RPTOR: variants seen among roughly 807,000 people sequenced by gnomAD.
The protein encoded by RPTOR is regulatory-associated protein of mTOR.
RPTOR carries 21 observed loss-of-function variants against 169.9 expected under a neutral mutation model. The ratio of observed to expected loss-of-function variants is 0.12; its 90% CI spans 0.09 to 0.18. RPTOR has a LOEUF of 0.18. Among genes scored for constraint, RPTOR ranks in the 10% least tolerant of loss-of-function variants. The probability of loss-of-function intolerance (pLI) is 1.00; values close to 1 mark genes in which losing one functional copy is unlikely to be tolerated. For missense variants in RPTOR, 1,133 were observed against 1,855.9 expected (o/e 0.61, Z 7.16); for synonymous variants, 732 against 753.2 (o/e 0.97, Z 0.46).
chr17:80,730,768 GT>G lies in RPTOR; in HGVS notation c.654+65del. 1.8e-6 allele frequency: 1 copy of G among 555,468 alleles called. No individual in the cohort carries two copies. The highest frequency in any genetic ancestry group is 3.3e-6 in the Non-Finnish European group (1 of 302,866). 34.4% of individuals were successfully genotyped at this position (555,468 alleles called of 1,614,324 possible). On this transcript the variant is annotated intron_variant, in intron 5 of 33. Transcript: ENST00000306801. This position sits in a 1 kb window ranked among gnomAD's most constrained non-coding sequence, Gnocchi z 4.2. ...TGGTTTTGTTTTCCCTGGGGGTGGG[GT>G]TTGGGTGGGGAGGTTGGGAGGTGTT...
At chr17:80,906,659 A>C (rs2068546416) in intron 20 of RPTOR, among the ~76,000 whole-genome samples, 1 of 152,204 alleles carries the variant, frequency 6.6e-6, no homozygotes, top group African/African-American at 2.4e-5. Context: ...TCGCCCTGTG[A>C]GGTGAGACAT....
At chr17:80,743,908 CAGCCCTGGTTACTAGCAG>C (rs1567887711) in intron 5 of RPTOR, among the ~76,000 whole-genome samples, 7 of 81,996 alleles carry the variant, frequency 8.5e-5, no homozygotes, top group East Asian at 6.2e-4. Flanking sequence ...GTTACGAGCA[CAGCCCTGGTTACTAGCAG>C]AGCCCTGGTT....
At chr17:80,927,788 C>A (rs146184289) in intron 24 of RPTOR, among the ~76,000 whole-genome samples, 1 of 151,194 alleles carries the variant, frequency 6.6e-6, no homozygotes, top group Non-Finnish European at 1.5e-5. Flanking sequence ...CCCAAGCCAG[C>A]GTCTCCTCTC....
At chr17:80,932,022 G>A (rs2068903815) in intron 24 of RPTOR, among the ~76,000 whole-genome samples, 1 of 152,120 alleles carries the variant, frequency 6.6e-6, no homozygotes, top group Admixed American at 6.6e-5. Flanking sequence ...AGAGGAATCC[G>A]AAGCTGGCCA....
At chr17:80,551,168 G>A (rs1209206629) in intron 1 of RPTOR, among the ~76,000 whole-genome samples, 2 of 152,144 alleles carry the variant, frequency 1.3e-5, no homozygotes, top group African/African-American at 2.4e-5. Flanking sequence ...GATTACAGGC[G>A]TGAGCCATCA....
At chr17:80,782,456 C>T (rs2066950988) in intron 6 of RPTOR, among the ~76,000 whole-genome samples, 8 of 151,748 alleles carry the variant, frequency 5.3e-5, no homozygotes, top group Admixed American at 5.2e-4. Flanking sequence ...TTCTACATCC[C>T]CGACAAGAAT....
intron 17 of RPTOR, 120 bp downstream of exon 17, chr17:80,885,268 T>C: frequency 8.7e-7 from 1 of 1,146,962 alleles, no homozygotes; most frequent in Non-Finnish European, 1.2e-6. Flanking sequence ...TGCGTGTCAT[T>C]GCGAGAGCAG....
At chr17:80,706,792 A>G (rs537954242) in intron 3 of RPTOR, among the ~76,000 whole-genome samples, 112 of 152,302 alleles carry the variant, frequency 7.4e-4, no homozygotes, top group Non-Finnish European at 1.0e-3. Context: ...AATGCATTGA[A>G]TATGTGAATT....
At chr17:80,598,882 T>TCTATCTATCTATCTA in intron 1 of RPTOR, among the ~76,000 whole-genome samples, 1 of 146,872 alleles carries the variant, frequency 6.8e-6, no homozygotes, top group African/African-American at 2.5e-5. Flanking sequence ...TCTTGATTCT[T>TCTATCTATCTATCTA]TCTATCTATC....
intron 3 of RPTOR, among the ~76,000 whole-genome samples, chr17:80,699,277 A>AG (rs2066062853): frequency 6.6e-6 from 1 of 152,274 alleles, no homozygotes; most frequent in Non-Finnish European, 1.5e-5. Flanking sequence ...GCTGATGAGT[A>AG]AATCAGCAGG....
At chr17:80,565,311 T>C (rs1299390519) in intron 1 of RPTOR, among the ~76,000 whole-genome samples, 2 of 152,172 alleles carry the variant, frequency 1.3e-5, no homozygotes, top group Non-Finnish European at 2.9e-5. Context: ...TCAATGACTT[T>C]GTGAGGTTTG....
At chr17:80,716,642 C>T (rs1031299869) in intron 4 of RPTOR, among the ~76,000 whole-genome samples, 3 of 152,126 alleles carry the variant, frequency 2.0e-5, no homozygotes, top group African/African-American at 7.2e-5. Flanking sequence ...AGATCCTTGC[C>T]TAAACCAGTC....
intron 1 of RPTOR, among the ~76,000 whole-genome samples, chr17:80,577,629 A>C (rs577470371): frequency 6.6e-6 from 1 of 152,280 alleles, no homozygotes; most frequent in East Asian, 1.9e-4. Flanking sequence ...GAATTGGATA[A>C]GTGTACAGTC....
chr17:80,917,302 G>A (rs1425707339), intron 21 of RPTOR, among the ~76,000 whole-genome samples: 3 of 151,962 alleles, frequency 2.0e-5, no homozygotes, highest in East Asian at 1.9e-4. Flanking sequence ...TAGTAGAGAC[G>A]GGGTTTCACC....
At chr17:80,642,289 T>C (rs532962969) in intron 2 of RPTOR, among the ~76,000 whole-genome samples, 1 of 152,178 alleles carries the variant, frequency 6.6e-6, no homozygotes, top group South Asian at 2.1e-4. Context: ...GGCGCCCAGC[T>C]AATTTTTGTG....
chr17:80,658,829 T>C (rs1407716854), intron 3 of RPTOR, among the ~76,000 whole-genome samples: 1 of 152,242 alleles, frequency 6.6e-6, no homozygotes, highest in Non-Finnish European at 1.5e-5. Flanking sequence ...TTCTATTCTG[T>C]GATTTCCATT....
At chr17:80,674,641 G>A (rs545883336) in intron 3 of RPTOR, among the ~76,000 whole-genome samples, 2 of 152,042 alleles carry the variant, frequency 1.3e-5, no homozygotes, top group African/African-American at 2.4e-5. Flanking sequence ...TTCTGAATTG[G>A]TTCTAAATTG....
intron 5 of RPTOR, among the ~76,000 whole-genome samples, chr17:80,753,674 C>T (rs947952893): frequency 6.7e-5 from 10 of 148,820 alleles, no homozygotes; most frequent in East Asian, 2.0e-4. Flanking sequence ...TAAAACAAAC[C>T]GTAAGACACC....
intron 6 of RPTOR, among the ~76,000 whole-genome samples, chr17:80,758,280 C>A (rs942069045): frequency 1.3e-5 from 2 of 152,180 alleles, no homozygotes; most frequent in Non-Finnish European, 2.9e-5. Flanking sequence ...TGGCTAAGGG[C>A]CACAGGGTTT....
Sources: allele counts gnomAD v4.1 joint callset (sites outside exome capture counted in the v4.1 genomes callset), GRCh38; gene constraint gnomAD v4.1.1; non-coding constraint Gnocchi (gnomAD v3.1); transcripts MANE v1.5; gene names NCBI Gene and HGNC (gene_info 2026-07-23, HGNC 2026-07-21).